DCT: variants seen among roughly 807,000 people sequenced by gnomAD.
The protein encoded by DCT is dopachrome tautomerase, also known as L-dopachrome tautomerase.
In DCT, 47 loss-of-function variants were observed where a neutral mutation model predicts 53.0. That is an observed-to-expected ratio of 0.89 (90% CI 0.70 to 1.13). The LOEUF is 1.13. Among genes scored for constraint, DCT ranks in the 50% most tolerant of loss-of-function variants. The pLI is 0.00. For missense variants in DCT, 669 were observed against 637.4 expected (o/e 1.05, Z -0.53); for synonymous variants, 244 against 237.0 (o/e 1.03, Z -0.27).
At chr13:94,476,500 G>T (rs1167568628) in intron 1 of DCT, among the ~76,000 whole-genome samples, 7 of 126,142 alleles carry the variant, frequency 5.5e-5, no homozygotes, top group African/African-American at 2.2e-4. Flanking sequence ...CTGAGACACA[G>T]TCTCACTCTA....
chr13:94,516,787 G>A, the DCT span, among the ~76,000 whole-genome samples: 5 of 141,082 alleles, frequency 3.5e-5, no homozygotes, highest in African/African-American at 1.3e-4. Context: ...CCACCAAGAA[G>A]GTCCTCACCA....
intron 1 of DCT, among the ~76,000 whole-genome samples, chr13:94,472,115 G>T (rs947165370): frequency 6.6e-6 from 1 of 152,122 alleles, no homozygotes; most frequent in Non-Finnish European, 1.5e-5. Flanking sequence ...GGGCCTGACT[G>T]TTGAAACTGA....
chr13:94,516,743 C>T, the DCT span, among the ~76,000 whole-genome samples: 38 of 152,222 alleles, frequency 2.5e-4, no homozygotes, highest in African/African-American at 8.7e-4. Flanking sequence ...ATGTGATGCC[C>T]TGTGCCACCT....
chr13:94,452,039 C>CTT (rs56812045), intron 6 of DCT, among the ~76,000 whole-genome samples: 7 of 148,662 alleles, frequency 4.7e-5, no homozygotes, highest in South Asian at 4.3e-4. Flanking sequence ...CTGGACTTCA[C>CTT]TTTTTTTTTT....
the DCT span, among the ~76,000 whole-genome samples, chr13:94,524,013 T>C: frequency 6.6e-6 from 1 of 152,060 alleles, no homozygotes; most frequent in East Asian, 1.9e-4. Context: ...AAAAAAGGGA[T>C]TTGCAGTTCA....
At chr13:94,537,986 T>G in the DCT span, among the ~76,000 whole-genome samples, 116 of 152,242 alleles carry the variant, frequency 7.6e-4, no homozygotes, top group African/African-American at 2.7e-3. Flanking sequence ...CTACTATGAG[T>G]TTTCTGCTAG....
At chr13:94,500,441 C>T in the DCT span, among the ~76,000 whole-genome samples, 15 of 152,132 alleles carry the variant, frequency 9.9e-5, no homozygotes, top group Non-Finnish European at 1.3e-4. Flanking sequence ...CAATTATCTC[C>T]CACCTGGTCC....
chr13:94,502,735 T>C, the DCT span, among the ~76,000 whole-genome samples: 3 of 152,162 alleles, frequency 2.0e-5, no homozygotes, highest in South Asian at 2.1e-4. Context: ...GTCATCTTTA[T>C]AAATCTTTCT....
the DCT span, among the ~76,000 whole-genome samples, chr13:94,502,825 A>G: frequency 3.9e-5 from 6 of 152,194 alleles, no homozygotes; most frequent in Middle Eastern, 3.4e-3. Flanking sequence ...TCCAGACCAC[A>G]TCTGCTCATG....
chr13:94,450,500 C>T (rs1249590047), intron 6 of DCT, among the ~76,000 whole-genome samples: 1 of 152,062 alleles, frequency 6.6e-6, no homozygotes, highest in Non-Finnish European at 1.5e-5. Flanking sequence ...CCCACATAGA[C>T]TTGTATAATA....
At chr13:94,538,822 T>C in the DCT span, among the ~76,000 whole-genome samples, 1 of 152,196 alleles carries the variant, frequency 6.6e-6, no homozygotes, top group African/African-American at 2.4e-5. Context: ...TTAGATAAAC[T>C]GTCTAAGCTA....
chr13:94,489,376 C>G, the DCT span, among the ~76,000 whole-genome samples: 2 of 152,052 alleles, frequency 1.3e-5, no homozygotes, highest in African/African-American at 2.4e-5. Context: ...AAGAAACTTA[C>G]CAGTTCTATG....
At chr13:94,451,925 T>G (rs1381930450) in intron 6 of DCT, among the ~76,000 whole-genome samples, 1 of 152,092 alleles carries the variant, frequency 6.6e-6, no homozygotes, top group Non-Finnish European at 1.5e-5. Context: ...TAGGGTTTTT[T>G]TTTTCTTTTT....
At chr13:94,535,243 T>C in the DCT span, among the ~76,000 whole-genome samples, 54 of 152,384 alleles carry the variant, frequency 3.5e-4, no homozygotes, top group African/African-American at 1.1e-3. Flanking sequence ...CTCAGTTGTA[T>C]GTATCACAGA....
At chr13:94,518,083 AGGAAGGAAGGAGAAGG>A in the DCT span, among the ~76,000 whole-genome samples, 1 of 149,578 alleles carries the variant, frequency 6.7e-6, no homozygotes, top group Non-Finnish European at 1.5e-5. Context: ...AAAAGAAGGA[AGGAAGGAAGGAGAAGG>A]GAAACGAAGG....
chr13:94,444,070 G>A (rs1202500876), intron 6 of DCT, among the ~76,000 whole-genome samples: 3 of 152,128 alleles, frequency 2.0e-5, no homozygotes. Context: ...TGGTTTAACA[G>A]GAGAGAAAGA....
At chr13:94,512,006 A>G in the DCT span, among the ~76,000 whole-genome samples, 2 of 152,098 alleles carry the variant, frequency 1.3e-5, no homozygotes, top group Admixed American at 1.3e-4. Context: ...TGGGACCACA[A>G]GTGCATGATA....
intron 2 of DCT, chr13:94,467,989 C>T (rs1225320075): frequency 6.6e-6 from 1 of 152,180 alleles, no homozygotes; most frequent in Admixed American, 6.5e-5. Context: ...CTACTTGATA[C>T]ATGAAGTTTG....
chr13:94,445,584 C>A, intron 6 of DCT: 1 of 644,274 alleles, frequency 1.6e-6, no homozygotes, highest in Admixed American at 2.9e-5. Context: ...AATTCCTGAC[C>A]CACAGAAATG....
Sources: allele counts gnomAD v4.1 joint callset (sites outside exome capture counted in the v4.1 genomes callset), GRCh38; gene constraint gnomAD v4.1.1; transcripts MANE v1.5; gene names NCBI Gene and HGNC (gene_info 2026-07-23, HGNC 2026-07-21).